ZFP14: variants seen among roughly 807,000 people sequenced by gnomAD.
ZFP14 encodes the protein ZFP14 zinc finger protein.
ZFP14 carries 22 observed loss-of-function variants against 54.5 expected under a neutral mutation model. The observed-to-expected ratio is 0.40, with a 90% CI of 0.29 to 0.58. The LOEUF (loss-of-function observed/expected upper bound fraction) is 0.58, where lower values mean the gene tolerates loss of function less well. Among genes scored for constraint, ZFP14 ranks in the 20% least tolerant of loss-of-function variants. The probability of loss-of-function intolerance (pLI) is 0.39; values close to 1 mark genes in which losing one functional copy is unlikely to be tolerated. For missense variants in ZFP14, 470 were observed against 637.8 expected, an observed-to-expected ratio of 0.74 and a Z score of 2.83; for synonymous variants, 159 against 204.0, an observed-to-expected ratio of 0.78 and a Z score of 1.88.
At chr19:36,349,851 T>TGCCTCTAATCCTAGC (rs1555754736) in intron 4 of ZFP14, among the ~76,000 whole-genome samples, 3 of 143,212 alleles carry the variant, frequency 2.1e-5, no homozygotes, top group Non-Finnish European at 4.7e-5. Context: ...TTGAAAGGAA[T>TGCCTCTAATCCTAGC]AAAAAAGAAC....
chr19:36,365,550 T>C (rs1483013733), intron 2 of ZFP14, among the ~76,000 whole-genome samples: 2 of 152,168 alleles, frequency 1.3e-5, no homozygotes, highest in Non-Finnish European at 2.9e-5. Flanking sequence ...ACACATGCCC[T>C]TGAATGATAG....
rs2031912893 is a variant in ZFP14, at chr19:36,373,593, A to C, written c.-80+5570T>G. 2.0e-5 allele frequency among the ~76,000 whole-genome samples: 3 copies of C among 152,220 alleles called. No homozygotes were observed. The South Asian group carries it at 6.2e-4, about 31-fold the overall frequency. ...AAGGTAATTCATATGTTAATTAGCT[A>C]GATTTAGACATTCCACAATGTATAT... is the stretch of plus-strand genomic sequence containing the variant. On this transcript the variant is annotated intron_variant, in intron 1 of 4. Coordinates refer to ENST00000270001, the MANE Select transcript of ZFP14 (RefSeq NM_020917.3).
At chr19:36,342,958 T>C (rs1349541336) in intron 4 of ZFP14, among the ~76,000 whole-genome samples, 1 of 152,194 alleles carries the variant, frequency 6.6e-6, no homozygotes. Flanking sequence ...ATTCTGCTAA[T>C]GTGTACCATG....
intron 1 of ZFP14, chr19:36,378,212 A>G (rs1568477183): frequency 6.6e-6 from 1 of 152,222 alleles, no homozygotes; most frequent in African/African-American, 2.4e-5. Context: ...TGAGATTAGG[A>G]GAGGCAGGGA....
chr19:36,338,328 A>C lies in ZFP14; in HGVS notation c.*1896T>G, dbSNP rs2031243818. ...TTTGATGAACTTCTGGTGACCCTGA[A>C]ATTTGGTTCACATGGGAAAAGGAAA... On this transcript the variant is annotated 3_prime_UTR_variant, in exon 5 of 5. Transcript: ENST00000270001. The C allele has an allele frequency of 6.6e-6, 1 of 152,026 alleles. No individual in the cohort carries two copies. Among genetic ancestry groups the C allele is most frequent in the Non-Finnish European group, 1.5e-5 (1 of 68,018 alleles). 9.4% of individuals were successfully genotyped at this position (152,026 alleles called of 1,614,324 possible).
rs1456357370 is a variant in ZFP14, at chr19:36,377,202, T to C, written c.-80+1961A>G. On this transcript the variant is annotated intron_variant, in intron 1 of 4. Coordinates refer to ENST00000270001, the MANE Select transcript of ZFP14 (RefSeq NM_020917.3). ...GCTTTTGAACTCAGGGCGGTGGGGA[T>C]CAAAGAGACCTAGTGGGTAATTCCA... Among the ~76,000 whole-genome samples, 3 of 152,178 alleles carry C rather than the reference T, an allele frequency of 2.0e-5. No individual in the cohort carries two copies. The East Asian group carries it at 5.8e-4, about 29-fold the overall frequency.
chr19:36,363,350 C>G (rs1468948123), intron 2 of ZFP14, among the ~76,000 whole-genome samples: 1 of 151,844 alleles, frequency 6.6e-6, no homozygotes, highest in Non-Finnish European at 1.5e-5. Flanking sequence ...TCCGCCACCA[C>G]GCCCGGCTAA....
intron 1 of ZFP14, among the ~76,000 whole-genome samples, chr19:36,370,782 G>A (rs2031866600): frequency 6.6e-6 from 1 of 152,208 alleles, no homozygotes; most frequent in South Asian, 2.1e-4. Context: ...GGCTATTGAT[G>A]GGCTTTCCCA....
chr19:36,362,773 CT>C (rs1343709388), intron 2 of ZFP14: 5 of 269,570 alleles, frequency 1.9e-5, no homozygotes, highest in South Asian at 3.5e-5. Flanking sequence ...CTTGGGCTCT[CT>C]TTTCCCTTTA....
At chr19:36,349,358 C>T (rs370912019) in intron 4 of ZFP14, among the ~76,000 whole-genome samples, 8 of 149,172 alleles carry the variant, frequency 5.4e-5, no homozygotes, top group South Asian at 2.1e-4. Flanking sequence ...ATTCCCTTAA[C>T]GCCCTTTGAA....
In ZFP14 at chr19:36,341,542, A is replaced by G; in HGVS notation, c.284T>C (p.Ile95Thr). The G allele has an allele frequency of 1.2e-6, 2 of 1,601,080 alleles. No individual in the cohort carries two copies. The highest frequency in any genetic ancestry group is 1.7e-6 in the Non-Finnish European group (2 of 1,176,144). The change falls in exon 5 of 5, where the codon ATT (isoleucine) becomes ACT (threonine). Residue 95 changes from isoleucine to threonine, a missense_variant. Coordinates refer to ENST00000270001, the MANE Select transcript of ZFP14 (RefSeq NM_020917.3). The surrounding 1 kb of genome is among the most constrained non-coding windows in gnomAD (Gnocchi z 4.2). ...RTNTLSPEKD[I>T]YEIYSFQWDI... ...CCACTGAAATGAATATATTTCATAAATGTCCTTTTCTGGAGATAAAGTATT... is the reference window on the plus strand; with the variant it reads ...CCACTGAAATGAATATATTTCATAAGTGTCCTTTTCTGGAGATAAAGTATT...
rs555538228 is a variant in ZFP14, at chr19:36,365,687, G to A, written c.9+2197C>T. Among the ~76,000 whole-genome samples the A allele has an allele frequency of 7.8e-4, 119 of 152,076 alleles. 1 individual carries two copies. Among genetic ancestry groups the A allele is most frequent in the Middle Eastern group, 6.8e-3 (2 of 294 alleles). On this transcript the variant is annotated intron_variant, in intron 2 of 4. Coordinates refer to ENST00000270001, the MANE Select transcript of ZFP14 (RefSeq NM_020917.3). ...AAAAGCATTGTATTGGATCAGGTGC[G>A]GTGGATCACACCTATAATGCCAATA...
At position 36,340,819 on chromosome 19, in the gene ZFP14, C is replaced by G; in HGVS notation, c.1007G>C (p.Gly336Ala). Reference protein sequence around the residue: ...DLRVHQKIHFGEKPYECKECG... With the variant: ...DLRVHQKIHFAEKPYECKECG... ...CTCCTTACATTCATAGGGTTTCTCA[C>G]CAAAATGAATTTTCTGATGTACTCT... Residue 336 changes from glycine (G) to alanine (A), a missense_variant, in exon 5 of 5, where the codon GGT becomes GCT. Physicochemically the swap from Gly to Ala is moderately conservative, Grantham distance 60. Transcript: ENST00000270001. The surrounding 1 kb of genome is among the most constrained non-coding windows in gnomAD (Gnocchi z 5.4). 6.2e-7 allele frequency: 1 copy of G among 1,614,110 alleles called. No individual in the cohort carries two copies. The highest frequency in any genetic ancestry group is 8.5e-7 in the Non-Finnish European group (1 of 1,180,030).
In ZFP14 at chr19:36,338,067, T is replaced by A. The variant is rs993743142; in HGVS notation, c.*2157A>T. ...CCCAGGCTGGAGTGCAGTGGCACGA[T>A]CTCAGCTCACTGCAAACTCTGCCTC... On this transcript the variant is annotated 3_prime_UTR_variant, in exon 5 of 5. Transcript: ENST00000270001. 3.9e-5 allele frequency: 6 copies of A among 152,312 alleles called. No individual in the cohort carries two copies. The highest frequency in any genetic ancestry group is 2.1e-4 in the South Asian group (1 of 4,810). 9.4% of individuals were successfully genotyped at this position (152,312 alleles called of 1,614,324 possible).
In ZFP14 at chr19:36,350,609, C is replaced by CA. The variant is rs202063596; in HGVS notation, c.236-9020dup. Among the ~76,000 whole-genome samples the CA allele has an allele frequency of 3.4e-3, 453 of 131,778 alleles. 50 individuals are homozygous for CA. Among genetic ancestry groups the CA allele is most frequent in the African/African-American group, 7.0e-3 (253 of 35,996 alleles). The allele number at this position is 131,778 out of a possible 152,430, so 86.5% of individuals were successfully genotyped here. A position where few individuals can be genotyped will look rare whatever the true frequency, so the allele number is the denominator to read the frequency against. ...AAGCAAGATCCTGTCTTTAAAAAAC[C>CA]AAAAAAAAACAAAAAACAGCTTCCT... is the stretch of plus-strand genomic sequence containing the variant. On this transcript the variant is annotated intron_variant, in intron 4 of 4. Transcript: ENST00000270001.
Position 36,339,445 on chromosome 19 carries a change from A to C in ZFP14, c.*779T>G, listed in dbSNP as rs544455930. The stretch of plus-strand genomic sequence containing the variant: ...TGAGTGTGGACTATCCTAGTAACTT[A>C]CTTCTACCAGTAGAAGGTGAGGGAA... On this transcript the variant is annotated 3_prime_UTR_variant, in exon 5 of 5. Transcript: ENST00000270001. 1.3e-5 allele frequency: 2 copies of C among 152,108 alleles called. No homozygotes were observed. The highest frequency in any genetic ancestry group is 4.2e-4 in the South Asian group (2 of 4,818). 9.4% of individuals were successfully genotyped at this position (152,108 alleles called of 1,614,324 possible).
Position 36,353,387 on chromosome 19 carries a change from G to A in ZFP14, c.235+7048C>T, listed in dbSNP as rs973133937. Among the ~76,000 whole-genome samples the A allele has an allele frequency of 4.2e-5, 6 of 142,540 alleles. 1 individual carries two copies. The highest frequency in any genetic ancestry group is 2.2e-4 in the Admixed American group (3 of 13,880). The allele number at this position is 142,540 out of a possible 152,430, so 93.5% of individuals were successfully genotyped here. Reference sequence around the variant, plus strand: ...GCCCTTATTCAATCTATTCTCTGTAGAGTGGTAATTATTTAAAAATCAGCT... The same window carrying A: ...GCCCTTATTCAATCTATTCTCTGTAAAGTGGTAATTATTTAAAAATCAGCT... On this transcript the variant is annotated intron_variant, in intron 4 of 4. Transcript: ENST00000270001.
intron 2 of ZFP14, among the ~76,000 whole-genome samples, chr19:36,364,994 C>CTTTTTTTTTTTTTTTTTT (rs398034482): frequency 3.2e-5 from 2 of 62,000 alleles, no homozygotes; most frequent in African/African-American, 5.9e-5. Flanking sequence ...TTTTCTTTTT[C>CTTTTTTTTTTTTTTTTTT]TTTTTTTTTT....
At chr19:36,376,984 C>T (rs777619411) in intron 1 of ZFP14, among the ~76,000 whole-genome samples, 1 of 152,152 alleles carries the variant, frequency 6.6e-6, no homozygotes, top group African/African-American at 2.4e-5. Flanking sequence ...CTGATAAATA[C>T]GTGGCCTGAA....
Sources: gnomAD v4.1 joint callset for allele counts (sites outside exome capture counted in the v4.1 genomes callset) on GRCh38, gnomAD v4.1.1 for gene constraint, Gnocchi (gnomAD v3.1) non-coding constraint, MANE v1.5 for transcripts, NCBI Gene and HGNC (gene_info 2026-07-23, HGNC 2026-07-21) for gene names.